Variants in MAP2K2 observed in about 807,000 individuals in gnomAD.
MAP2K2 encodes the protein dual specificity mitogen-activated protein kinase kinase 2.
In MAP2K2, 24 loss-of-function variants were observed where a neutral mutation model predicts 43.7. The observed-to-expected ratio is 0.55, with a 90% CI of 0.40 to 0.77. The LOEUF is 0.77. Ranked by LOEUF, MAP2K2 falls within the 30% of genes least tolerant of loss-of-function variation. MAP2K2 has a pLI of 0.00. For missense variants in MAP2K2, 470 were observed against 566.8 expected (o/e 0.83, Z 1.73); for synonymous variants, 244 against 239.7 (o/e 1.02, Z -0.17).
intron 6 of MAP2K2, 188 bp downstream of exon 6, chr19:4,100,831 C>T (rs971052579): frequency 1.3e-5 from 9 of 681,794 alleles, no homozygotes; most frequent in Admixed American, 2.4e-5. Context: ...GAGTGTGTGC[C>T]CACGAAATAG....
chr19:4,103,206 C>T lies in MAP2K2; in HGVS notation c.451-753G>A, dbSNP rs567944587. ...CCTCGCCACTGTGCCGGGCATCCTGCGGAGGGCCTGGAAACGAGTCATCAT... is the reference window on the plus strand; with the variant it reads ...CCTCGCCACTGTGCCGGGCATCCTGTGGAGGGCCTGGAAACGAGTCATCAT... On this transcript the variant is annotated intron_variant, in intron 3 of 10. Transcript: ENST00000262948. 860 of 986,982 alleles carry T rather than the reference C, an allele frequency of 8.7e-4. 2 individuals carry two copies. Among genetic ancestry groups the T allele is most frequent in the Non-Finnish European group, 9.7e-4 (806 of 831,056 alleles). The allele number at this position is 986,982 out of a possible 1,614,324, so 61.1% of individuals were successfully genotyped here.
chr19:4,100,723 A>G (rs1057513994), intron 6 of MAP2K2: 5 of 500,834 alleles, frequency 1.0e-5, no homozygotes, highest in African/African-American at 1.9e-5. Context: ...CCCAGGAGGC[A>G]CCAGCTTTAG....
At chr19:4,103,207 G>A (rs534596478) in intron 3 of MAP2K2, 35 of 987,278 alleles carry the variant, frequency 3.5e-5, no homozygotes, top group East Asian at 3.4e-4. Flanking sequence ...GGCATCCTGC[G>A]GAGGGCCTGG....
At chr19:4,113,577 T>C (rs1318043871) in intron 2 of MAP2K2, among the ~76,000 whole-genome samples, 1 of 152,124 alleles carries the variant, frequency 6.6e-6, no homozygotes, top group Admixed American at 6.5e-5. Context: ...AGCTGCTAAG[T>C]CAGGACTGGG....
At chr19:4,116,183 C>G (rs547993932) in intron 2 of MAP2K2, among the ~76,000 whole-genome samples, 1 of 151,828 alleles carries the variant, frequency 6.6e-6, no homozygotes, top group East Asian at 1.9e-4. Context: ...CTGAGCAAAG[C>G]AGATTACTCC....
Position 4,117,411 on chromosome 19 carries a change from G to A in MAP2K2, c.303+8C>T, listed in dbSNP as rs199612401. 1 of 1,611,288 alleles carries A rather than the reference G, an allele frequency of 6.2e-7. No homozygotes were observed. ...ACTCCCCGACCTCCCCGACCCCGCA[G>A]TGCTCACCTTCCTGGCCATGATGAG... is the stretch of plus-strand genomic sequence containing the variant. On this transcript the variant is annotated splice_region_variant and intron_variant, in intron 2 of 10. Transcript: ENST00000262948.
In MAP2K2 at chr19:4,096,156, C is replaced by T. The variant is rs919631779; in HGVS notation, c.985-707G>A. On this transcript the variant is annotated intron_variant, in intron 8 of 10. Coordinates refer to ENST00000262948, the MANE Select transcript of MAP2K2 (RefSeq NM_030662.4). ...CCCGGAGCGGGAGTGGCCGTGTAAG[C>T]GGTGCCAGCAGGGCAGGGGCAGGCC... 2.6e-5 allele frequency among the ~76,000 whole-genome samples: 4 copies of T among 152,204 alleles called. No individual in the cohort carries two copies. In the East Asian group the frequency reaches 7.7e-4, roughly 29 times the overall value.
intron 3 of MAP2K2, 109 bp downstream of exon 3, chr19:4,110,396 AAGCC>A (rs1358983128): frequency 5.3e-5 from 69 of 1,314,016 alleles, no homozygotes; most frequent in Non-Finnish European, 6.8e-5. Context: ...GATCCCCTGG[AAGCC>A]AGCGCACTGT....
At chr19:4,098,231 A>T (rs2040949117) in intron 7 of MAP2K2, among the ~76,000 whole-genome samples, 1 of 152,182 alleles carries the variant, frequency 6.6e-6, no homozygotes, top group South Asian at 2.1e-4. Context: ...GTGTGACCCC[A>T]TTTCTGTGAA....
At chr19:4,111,608 A>G (rs890508361) in intron 2 of MAP2K2, among the ~76,000 whole-genome samples, 1 of 152,156 alleles carries the variant, frequency 6.6e-6, no homozygotes, top group Admixed American at 6.6e-5. Context: ...ATTTTCATCA[A>G]GTTGACCCCG....
At chr19:4,097,402 G>A (rs2040935555) in intron 7 of MAP2K2, 59 bp from the exon 8 acceptor site, 6 of 1,361,058 alleles carry the variant, frequency 4.4e-6, no homozygotes, top group Non-Finnish European at 6.3e-6. Flanking sequence ...TTCTGCTGGG[G>A]GTTGGGCTCC....
intron 9 of MAP2K2, chr19:4,095,149 T>C (rs2040898728): frequency 1.9e-6 from 1 of 519,928 alleles, no homozygotes; most frequent in Admixed American, 3.2e-5. Context: ...CACCGTCATG[T>C]GCACAGGGCC....
intron 3 of MAP2K2, among the ~76,000 whole-genome samples, chr19:4,108,401 T>C (rs989866145): frequency 6.6e-6 from 1 of 150,528 alleles, no homozygotes; most frequent in African/African-American, 2.4e-5. Flanking sequence ...CCACCATGCC[T>C]GGCTAATTTT....
chr19:4,122,956 C>T (rs1465395398), intron 1 of MAP2K2, among the ~76,000 whole-genome samples: 3 of 151,488 alleles, frequency 2.0e-5, no homozygotes, highest in Admixed American at 1.3e-4. Context: ...ATCCTCTCCC[C>T]TCTGGAGCCC....
intron 10 of MAP2K2, among the ~76,000 whole-genome samples, chr19:4,090,991 G>A (rs1018931260): frequency 6.6e-6 from 1 of 152,184 alleles, no homozygotes; most frequent in Non-Finnish European, 1.5e-5. Flanking sequence ...GAGGGTCTAC[G>A]CTCGCGCAAG....
intron 6 of MAP2K2, 57 bp from the exon 7 acceptor site, chr19:4,099,471 C>T (rs890203181): frequency 5.0e-5 from 72 of 1,432,458 alleles, no homozygotes; most frequent in Non-Finnish European, 5.9e-5. Context: ...AGCTGGAACC[C>T]GGGAGGCTTG....
intron 7 of MAP2K2, 139 bp from the exon 8 acceptor site, chr19:4,097,482 C>A (rs529138481): frequency 1.5e-4 from 102 of 690,370 alleles, no homozygotes; most frequent in Non-Finnish European, 2.4e-4. Context: ...TGTGCAGAGG[C>A]ACTGGACAAA....
intron 7 of MAP2K2, 114 bp downstream of exon 7, chr19:4,099,087 A>AG: frequency 2.3e-6 from 2 of 882,626 alleles, no homozygotes; most frequent in Non-Finnish European, 3.5e-6. Context: ...GGCACCATCC[A>AG]GGGGGACAGG....
chr19:4,095,594 CAG>C (rs2040907643), intron 8 of MAP2K2, 145 bp from the exon 9 acceptor site: 1 of 605,586 alleles, frequency 1.7e-6, no homozygotes, highest in African/African-American at 1.9e-5. Flanking sequence ...TGCACCCTGT[CAG>C]AGGTGGCCTT....
Sources: allele counts gnomAD v4.1 joint callset (sites outside exome capture counted in the v4.1 genomes callset), GRCh38; gene constraint gnomAD v4.1.1; transcripts MANE v1.5; gene names NCBI Gene and HGNC (gene_info 2026-07-23, HGNC 2026-07-21).